The following CSMD1 variants were observed in gnomAD, a reference collection of about 807,000 sequenced individuals.
CSMD1 encodes CUB and sushi domain-containing protein 1.
Under a neutral mutation model 417.5 loss-of-function variants are expected in CSMD1, and 213 were observed. That is an observed-to-expected ratio of 0.51 (90% CI 0.46 to 0.57). The LOEUF (loss-of-function observed/expected upper bound fraction) is 0.57. CSMD1 is among the 20% of genes least tolerant of loss of function. The pLI is 0.00. For missense variants in CSMD1, 6,923 were observed against 4,529.7 expected (o/e 1.53, Z -15.17); for synonymous variants, 2,862 against 1,736.8 (o/e 1.65, Z -16.11).
At chr8:3,284,550 A>G in intron 25 of CSMD1, 4 of 572,124 alleles carry the variant, frequency 7.0e-6, no homozygotes, top group South Asian at 2.0e-5. Context: ...AGCACACAGG[A>G]CCTCAGTCTG....
At chr8:3,980,784 A>C (rs1209825095) in intron 5 of CSMD1, among the ~76,000 whole-genome samples, 2 of 152,214 alleles carry the variant, frequency 1.3e-5, no homozygotes, top group Non-Finnish European at 2.9e-5. Context: ...ATTCTCACTT[A>C]GACTGGGGAT....
intron 17 of CSMD1, among the ~76,000 whole-genome samples, chr8:3,394,635 G>A (rs985886319): frequency 0.025 from 4 of 158 alleles, no homozygotes; most frequent in African/African-American, 0.047. Flanking sequence ...AAAGTTGGGG[G>A]GAGGGGTGTG....
chr8:4,379,293 C>G (rs140655169), intron 3 of CSMD1, among the ~76,000 whole-genome samples: 311 of 152,174 alleles, frequency 2.0e-3, no homozygotes, highest in Middle Eastern at 0.01. Context: ...TCAAAACTGT[C>G]AAGGTCAAGA....
chr8:4,472,838 G>T (rs991271424), intron 2 of CSMD1, among the ~76,000 whole-genome samples: 1 of 151,856 alleles, frequency 6.6e-6, no homozygotes, highest in Non-Finnish European at 1.5e-5. Flanking sequence ...TACCCTTTCT[G>T]TAAGTGTGAT....
At chr8:4,053,596 C>T (rs1372366712) in intron 3 of CSMD1, among the ~76,000 whole-genome samples, 2 of 152,128 alleles carry the variant, frequency 1.3e-5, no homozygotes, top group East Asian at 3.9e-4. Flanking sequence ...TCTTAGCAAC[C>T]TCTGATCTCC....
At chr8:3,404,266 C>T (rs947179983) in intron 15 of CSMD1, among the ~76,000 whole-genome samples, 12 of 149,720 alleles carry the variant, frequency 8.0e-5, no homozygotes, top group South Asian at 2.1e-4. Context: ...ATCTGGGAGG[C>T]GGAGGTTGCA....
chr8:3,637,530 G>A (rs1444304862), intron 7 of CSMD1, among the ~76,000 whole-genome samples: 1 of 152,128 alleles, frequency 6.6e-6, no homozygotes, highest in Non-Finnish European at 1.5e-5. Context: ...CTGACAAGAA[G>A]TATACAAGAA....
chr8:4,860,557 T>C (rs1324298913), intron 1 of CSMD1, among the ~76,000 whole-genome samples: 2 of 152,118 alleles, frequency 1.3e-5, no homozygotes, highest in Non-Finnish European at 2.9e-5. Context: ...CGTGCCATGC[T>C]TTCTGTACAG....
chr8:3,893,021 C>T (rs1299301868), intron 5 of CSMD1, among the ~76,000 whole-genome samples: 1 of 151,498 alleles, frequency 6.6e-6, no homozygotes, highest in Non-Finnish European at 1.5e-5. Context: ...CTGAAAATAA[C>T]TTGTCAATAA....
At chr8:3,231,843 C>G (rs1798858377) in intron 26 of CSMD1, among the ~76,000 whole-genome samples, 1 of 152,118 alleles carries the variant, frequency 6.6e-6, no homozygotes, top group African/African-American at 2.4e-5. Flanking sequence ...GCTAACAAAT[C>G]AGTAAAAATT....
chr8:4,339,964 C>CA (rs1395797261), intron 3 of CSMD1, among the ~76,000 whole-genome samples: 2 of 152,018 alleles, frequency 1.3e-5, no homozygotes, highest in African/African-American at 2.4e-5. Context: ...GTTGGAGGTT[C>CA]AGTGAGCGGT....
chr8:3,193,280 C>T lies in CSMD1; in HGVS notation c.5195-3165G>A, dbSNP rs1212372838. On this transcript the variant is annotated intron_variant, in intron 33 of 69. Transcript: ENST00000635120. ...CTTTCTTCATGAATTTCAGAGTGGT[C>T]TATTTTCAAGGAAAATGACAATAAA... Among the ~76,000 whole-genome samples, 3 of 152,122 alleles carry T rather than the reference C, an allele frequency of 2.0e-5. No individual in the cohort carries two copies. In the South Asian group the frequency reaches 6.2e-4, roughly 32 times the overall value.
At chr8:3,350,654 G>C (rs868570227) in intron 21 of CSMD1, among the ~76,000 whole-genome samples, 1 of 152,042 alleles carries the variant, frequency 6.6e-6, no homozygotes, top group Non-Finnish European at 1.5e-5. Flanking sequence ...ATTCTAAATA[G>C]GTCACCGATT....
At chr8:3,065,777 A>T (rs1281966003) in intron 49 of CSMD1, among the ~76,000 whole-genome samples, 2 of 152,262 alleles carry the variant, frequency 1.3e-5, no homozygotes, top group African/African-American at 2.4e-5. Context: ...AATTAGGCAT[A>T]AACTAAAATG....
At chr8:3,830,432 T>A (rs975045038) in intron 5 of CSMD1, among the ~76,000 whole-genome samples, 1 of 152,230 alleles carries the variant, frequency 6.6e-6, no homozygotes, top group African/African-American at 2.4e-5. Context: ...TAATTATACG[T>A]TGACTACTGT....
chr8:3,329,117 G>T (rs959504524), intron 23 of CSMD1, among the ~76,000 whole-genome samples: 5 of 152,158 alleles, frequency 3.3e-5, no homozygotes. Flanking sequence ...TGTTGGCATA[G>T]AATGGAGGTG....
intron 7 of CSMD1, among the ~76,000 whole-genome samples, chr8:3,686,362 A>G (rs1006554871): frequency 1.3e-5 from 2 of 152,102 alleles, no homozygotes; most frequent in African/African-American, 4.8e-5. Context: ...TCACTTTTCT[A>G]GGATAGGGAG....
intron 4 of CSMD1, among the ~76,000 whole-genome samples, chr8:4,005,808 G>A (rs572776890): frequency 1.2e-3 from 183 of 152,264 alleles, no homozygotes; most frequent in African/African-American, 4.2e-3. Context: ...ATTTGCACTT[G>A]GCATTAACAG....
chr8:3,950,395 C>T (rs904771827), intron 5 of CSMD1, among the ~76,000 whole-genome samples: 5 of 152,214 alleles, frequency 3.3e-5, no homozygotes, highest in Non-Finnish European at 5.9e-5. Context: ...CAGTTCCAAT[C>T]GGCCTACGGG....
Sources: allele counts gnomAD v4.1 joint callset (sites outside exome capture counted in the v4.1 genomes callset), GRCh38; gene constraint gnomAD v4.1.1; transcripts MANE v1.5; gene names NCBI Gene and HGNC (gene_info 2026-07-23, HGNC 2026-07-21).